Variants in XYLB observed in about 807,000 individuals in gnomAD.
The protein encoded by XYLB is xylulose kinase.
Under a neutral mutation model 78.7 loss-of-function variants are expected in XYLB, and 62 were observed. The ratio of observed to expected loss-of-function variants is 0.79; its 90% CI spans 0.64 to 0.97. The LOEUF is 0.97. Ranked by LOEUF, XYLB falls within the 50% of genes least tolerant of loss-of-function variation. XYLB has a pLI of 0.00. For synonymous variants in XYLB, 245 were observed against 247.4 expected, an observed-to-expected ratio of 0.99 and a Z score of 0.09; for missense variants, 687 against 676.8, an observed-to-expected ratio of 1.02 and a Z score of -0.17.
At chr3:38,435,347 A>G in the XYLB span, among the ~76,000 whole-genome samples, 2 of 152,244 alleles carry the variant, frequency 1.3e-5, no homozygotes, top group Admixed American at 1.3e-4. Flanking sequence ...ACACACACAC[A>G]AAGTCATTTT....
At chr3:38,366,616 T>C (rs847879) in intron 6 of XYLB, among the ~76,000 whole-genome samples, 192 bp from the exon 7 acceptor site, 136,011 of 152,258 alleles carry the variant, frequency 0.89, 61,337 homozygotes, top group East Asian at 1. Flanking sequence ...GGCTCCAGAG[T>C]TCCTCTCGCT....
chr3:38,348,785 C>G (rs961119211), intron 2 of XYLB, among the ~76,000 whole-genome samples, 153 bp downstream of exon 2: 1 of 152,086 alleles, frequency 6.6e-6, no homozygotes, highest in Admixed American at 6.6e-5. Context: ...TTTCCTATAC[C>G]TAGAGTGCCA....
At chr3:38,386,819 A>AT (rs1442991987) in intron 15 of XYLB, among the ~76,000 whole-genome samples, 1 of 152,206 alleles carries the variant, frequency 6.6e-6, no homozygotes, top group Non-Finnish European at 1.5e-5. Context: ...TAGAACATCT[A>AT]TAAAAAGTGG....
intron 18 of XYLB, among the ~76,000 whole-genome samples, chr3:38,403,863 T>C (rs902866376): frequency 6.6e-6 from 1 of 152,106 alleles, no homozygotes; most frequent in African/African-American, 2.4e-5. Context: ...TGACAACTCA[T>C]GGAACCCTTT....
rs1708736488 is a variant in XYLB at position 38,414,891 on chromosome 3, A to G, written c.*1878A>G. The G allele has an allele frequency of 6.6e-6, 1 of 152,218 alleles. No homozygotes were observed. Among genetic ancestry groups the G allele is most frequent in the Non-Finnish European group, 1.5e-5 (1 of 68,038 alleles). 9.4% of individuals were successfully genotyped at this position (152,218 alleles called of 1,614,324 possible). A position where few individuals can be genotyped will look rare whatever the true frequency, so the allele number is the denominator to read the frequency against. ...GATGATACAGGTAAGATTGGAACTC[A>G]TGAAGACAAAAGATAAGACAGTGGC... On this transcript the variant is annotated 3_prime_UTR_variant, in exon 19 of 19. Transcript: ENST00000207870.
At chr3:38,433,690 AC>A in the XYLB span, among the ~76,000 whole-genome samples, 4 of 152,192 alleles carry the variant, frequency 2.6e-5, no homozygotes, top group African/African-American at 9.6e-5. Flanking sequence ...TCCATCTGAA[AC>A]AACCTCAGCC....
chr3:38,375,262 G>T lies in XYLB; in HGVS notation c.1004+3G>T. 1 of 1,613,846 alleles carries T rather than the reference G, an allele frequency of 6.2e-7. No homozygotes were observed. The highest frequency in any genetic ancestry group is 8.5e-7 in the Non-Finnish European group (1 of 1,179,790). On this transcript the variant is annotated splice_donor_region_variant and intron_variant, in intron 12 of 18. Coordinates refer to ENST00000207870, the MANE Select transcript of XYLB (RefSeq NM_005108.4). ...CAGCACTACATGGCACTCCTGTGGTGAGCTTGGGTGTTGGTTGGCACCATT... is the reference window on the plus strand; with the variant it reads ...CAGCACTACATGGCACTCCTGTGGTTAGCTTGGGTGTTGGTTGGCACCATT...
In XYLB at chr3:38,346,863, A is replaced by T. The variant is rs138702359; in HGVS notation, c.-6A>T. ...CTGACGGACGCGCAGCCTTACCCGA[A>T]AGGCCATGGCGGAGCACGCCCCTCG... On this transcript the variant is annotated 5_prime_UTR_variant, in exon 1 of 19. Coordinates refer to ENST00000207870, the MANE Select transcript of XYLB (RefSeq NM_005108.4). 612 of 1,516,638 alleles carry T rather than the reference A, an allele frequency of 4.0e-4. 1 individual carries two copies. Among genetic ancestry groups the T allele is most frequent in the Non-Finnish European group, 5.2e-4 (587 of 1,134,744 alleles). 93.9% of individuals were successfully genotyped at this position (1,516,638 alleles called of 1,614,324 possible).
chr3:38,389,788 C>A (rs1443995332), intron 15 of XYLB, among the ~76,000 whole-genome samples: 3 of 152,204 alleles, frequency 2.0e-5, no homozygotes, highest in Non-Finnish European at 4.4e-5. Flanking sequence ...GCTCTTCCCC[C>A]ACTTCCACAT....
chr3:38,405,586 C>G (rs1385917335), intron 18 of XYLB, among the ~76,000 whole-genome samples: 1 of 152,178 alleles, frequency 6.6e-6, no homozygotes, highest in Admixed American at 6.5e-5. Context: ...CGAGGCATTG[C>G]CTCACTCGAG....
In XYLB at chr3:38,414,470, A is replaced by G. The variant is rs546874665; in HGVS notation, c.*1457A>G. On this transcript the variant is annotated 3_prime_UTR_variant, in exon 19 of 19. Coordinates refer to ENST00000207870, the MANE Select transcript of XYLB (RefSeq NM_005108.4). ...ACATTACTTTTTAAAGACATTTTAC[A>G]TTATTGTCCAGCAGAAAAAGGCTGT... 3 of 152,354 alleles carry G rather than the reference A, an allele frequency of 2.0e-5. No individual in the cohort carries two copies. The highest frequency in any genetic ancestry group is 1.9e-4 in the East Asian group (1 of 5,196). 9.4% of individuals were successfully genotyped at this position (152,354 alleles called of 1,614,324 possible).
the XYLB span, among the ~76,000 whole-genome samples, chr3:38,439,788 A>T: frequency 6.6e-6 from 1 of 151,616 alleles, no homozygotes; most frequent in East Asian, 1.9e-4. Flanking sequence ...TTTGAAAGGC[A>T]TTGTCTGATT....
chr3:38,425,132 G>A (rs892409199), downstream of XYLB, among the ~76,000 whole-genome samples: 17 of 152,146 alleles, frequency 1.1e-4, no homozygotes, highest in Admixed American at 2.0e-4. Flanking sequence ...ATGTTCCCTC[G>A]TTTGGGAGAC....
rs558062845 is a variant in XYLB at position 38,352,833 on chromosome 3, G to T, written c.140+4201G>T. Among the ~76,000 whole-genome samples the T allele has an allele frequency of 5.9e-5, 9 of 152,204 alleles. No individual in the cohort carries two copies. The East Asian group carries it at 1.7e-3, about 29-fold the overall frequency. Reference sequence around the variant, plus strand: ...AAAAAGTAAAAAAAAAAACTAGAAGGATACACAACAAATTAAAGTCATCTG... The same window carrying T: ...AAAAAGTAAAAAAAAAAACTAGAAGTATACACAACAAATTAAAGTCATCTG... On this transcript the variant is annotated intron_variant, in intron 2 of 18. Coordinates refer to ENST00000207870, the MANE Select transcript of XYLB (RefSeq NM_005108.4).
At chr3:38,411,227 G>T (rs1454275986) in intron 18 of XYLB, among the ~76,000 whole-genome samples, 1 of 152,180 alleles carries the variant, frequency 6.6e-6, no homozygotes, top group Admixed American at 6.5e-5. Context: ...CATGTCCTTT[G>T]TAGGGACATG....
intron 15 of XYLB, among the ~76,000 whole-genome samples, chr3:38,386,968 C>G (rs1348381851): frequency 6.6e-6 from 1 of 152,182 alleles, no homozygotes; most frequent in Non-Finnish European, 1.5e-5. Context: ...TTCTTGACTT[C>G]TAATGTTTCA....
At chr3:38,441,820 C>T in the XYLB span, among the ~76,000 whole-genome samples, 1 of 152,182 alleles carries the variant, frequency 6.6e-6, no homozygotes, top group Non-Finnish European at 1.5e-5. Context: ...CTTAGGTATG[C>T]CACTAGTTGT....
the XYLB span, among the ~76,000 whole-genome samples, chr3:38,427,534 T>C: frequency 1.3e-4 from 20 of 152,348 alleles, no homozygotes; most frequent in African/African-American, 4.8e-4. Context: ...TCCTATTTTA[T>C]TGATTTCCAT....
At chr3:38,439,348 G>A in the XYLB span, among the ~76,000 whole-genome samples, 2 of 152,162 alleles carry the variant, frequency 1.3e-5, no homozygotes, top group African/African-American at 4.8e-5. Context: ...CGATCCTACA[G>A]GAACCAAATT....
Sources: allele counts gnomAD v4.1 joint callset (sites outside exome capture counted in the v4.1 genomes callset), GRCh38; gene constraint gnomAD v4.1.1; transcripts MANE v1.5; gene names NCBI Gene and HGNC (gene_info 2026-07-23, HGNC 2026-07-21).